The following ANKS1B variants were observed in gnomAD, a reference collection of about 807,000 sequenced individuals.
ANKS1B encodes ankyrin repeat and sterile alpha motif domain containing 1B, also known as ankyrin repeat and sterile alpha motif domain-containing protein 1B.
Under a neutral mutation model 148.3 loss-of-function variants are expected in ANKS1B, and 36 were observed. That is an observed-to-expected ratio of 0.24 (90% CI 0.19 to 0.32). The LOEUF (loss-of-function observed/expected upper bound fraction) is 0.32. Among genes scored for constraint, ANKS1B ranks in the 10% least tolerant of loss-of-function variants. The pLI is 1.00. For synonymous variants in ANKS1B, 542 were observed against 560.8 expected (o/e 0.97, Z 0.47); for missense variants, 1,157 against 1,542.6 (o/e 0.75, Z 4.19).
chr12:98,843,596 G>A (rs540538055), intron 17 of ANKS1B, among the ~76,000 whole-genome samples: 3 of 152,334 alleles, frequency 2.0e-5, no homozygotes, highest in East Asian at 3.9e-4. Context: ...AGCGACTGGA[G>A]TCAGAATGAC....
At chr12:99,552,854 G>A (rs2097235317) in intron 9 of ANKS1B, among the ~76,000 whole-genome samples, 1 of 152,108 alleles carries the variant, frequency 6.6e-6, no homozygotes, top group African/African-American at 2.4e-5. Context: ...CTAATACAAT[G>A]TAAATGCCAT....
At chr12:99,106,105 A>C (rs1028787834) in intron 15 of ANKS1B, among the ~76,000 whole-genome samples, 1 of 152,236 alleles carries the variant, frequency 6.6e-6, no homozygotes, top group African/African-American at 2.4e-5. Flanking sequence ...GCAAGGGCTC[A>C]GATCTCTACT....
chr12:99,934,544 T>A (rs916807207), intron 1 of ANKS1B, among the ~76,000 whole-genome samples: 8 of 152,132 alleles, frequency 5.3e-5, no homozygotes, highest in African/African-American at 1.7e-4. Flanking sequence ...CTATTCCAAT[T>A]TTTTTGGTAT....
At chr12:99,652,782 TAA>T (rs1000307571) in intron 9 of ANKS1B, among the ~76,000 whole-genome samples, 8 of 151,956 alleles carry the variant, frequency 5.3e-5, no homozygotes, top group Non-Finnish European at 1.5e-5. Flanking sequence ...CCTTCAGAAG[TAA>T]AACCAAAACA....
chr12:99,927,773 C>A (rs933277557), intron 1 of ANKS1B, among the ~76,000 whole-genome samples: 8 of 151,826 alleles, frequency 5.3e-5, no homozygotes, highest in Non-Finnish European at 8.8e-5. Flanking sequence ...CACAGTGATA[C>A]CCCATCTCTT....
intron 12 of ANKS1B, among the ~76,000 whole-genome samples, chr12:99,258,213 T>C (rs2153979526): frequency 6.6e-6 from 1 of 152,304 alleles, no homozygotes. Context: ...CTCTGCATGT[T>C]TTTGTCTTGT....
intron 17 of ANKS1B, among the ~76,000 whole-genome samples, chr12:98,985,684 C>G (rs932604865): frequency 6.6e-6 from 1 of 151,940 alleles, no homozygotes; most frequent in Non-Finnish European, 1.5e-5. Context: ...ATACTATTGT[C>G]TTTCATTTTA....
intron 9 of ANKS1B, among the ~76,000 whole-genome samples, chr12:99,634,073 C>G (rs1319589352): frequency 6.6e-6 from 1 of 152,072 alleles, no homozygotes; most frequent in Non-Finnish European, 1.5e-5. Flanking sequence ...TTTGGAGGGC[C>G]AGAAGCAATA....
chr12:99,666,197 C>T lies in ANKS1B; in HGVS notation c.1129-10987G>A, dbSNP rs142507181. ...TAAATCTCTTCTTATGTGAATACCA[C>T]ATTGATAGACGTTTATAAGCCTGGA... On this transcript the variant is annotated intron_variant, in intron 8 of 26. Transcript: ENST00000683438. Among the ~76,000 whole-genome samples, 641 of 152,280 alleles carry T rather than the reference C, an allele frequency of 4.2e-3. 9 individuals carry two copies. The South Asian group carries it at 0.058, about 14-fold the overall frequency.
At chr12:99,127,577 T>C (rs10431448) in intron 15 of ANKS1B, among the ~76,000 whole-genome samples, 103,962 of 152,132 alleles carry the variant, frequency 0.68, 35,841 homozygotes, top group East Asian at 0.83. Flanking sequence ...AGGGTTGCCT[T>C]CAGTAAGGAA....
chr12:99,427,904 A>G (rs1386032173), intron 11 of ANKS1B, among the ~76,000 whole-genome samples: 2 of 152,184 alleles, frequency 1.3e-5, no homozygotes, highest in Non-Finnish European at 2.9e-5. Context: ...TGCAAGAACA[A>G]GTCTCCTTTG....
At position 99,399,753 on chromosome 12, in the gene ANKS1B, T is replaced by G; in HGVS notation, c.1634A>C (p.Gln545Pro). Residue 545 changes from glutamine (Q) to proline (P), a missense_variant, in exon 12 of 27, where the codon CAA (glutamine) becomes CCA (proline). Physicochemically the swap from Gln to Pro is moderately conservative, Grantham distance 76. Around this residue, in one of 6 missense-constraint regions of ANKS1B, gnomAD observed 661 missense variants for 642.1 expected, o/e 1.03. Coordinates refer to ENST00000683438, the MANE Select transcript of ANKS1B (RefSeq NM_001352186.2). ...AGATGTGTTGATTTCAAAATATTCT[T>G]GGTTGTGATTCATTCGGTGAAAATC... ...SLDFHRMNHNQEYFEINTSTG... is the reference protein window; with the variant it reads ...SLDFHRMNHNPEYFEINTSTG... 1.2e-6 allele frequency: 2 copies of G among 1,613,472 alleles called. No homozygotes were observed. Among genetic ancestry groups the G allele is most frequent in the Non-Finnish European group, 1.7e-6 (2 of 1,179,508 alleles).
chr12:99,717,386 A>G (rs1055624679), intron 8 of ANKS1B, among the ~76,000 whole-genome samples: 5 of 152,230 alleles, frequency 3.3e-5, no homozygotes, highest in Non-Finnish European at 7.3e-5. Context: ...CATCTCCAGC[A>G]TACAAGAACT....
intron 17 of ANKS1B, among the ~76,000 whole-genome samples, chr12:98,873,595 G>A (rs555292963): frequency 1.5e-4 from 23 of 152,288 alleles, no homozygotes; most frequent in African/African-American, 5.5e-4. Context: ...AACCTGAAAA[G>A]GTTATACCCT....
intron 23 of ANKS1B, among the ~76,000 whole-genome samples, chr12:98,781,843 G>A (rs1286619434): frequency 1.3e-5 from 2 of 152,156 alleles, no homozygotes; most frequent in African/African-American, 4.8e-5. Flanking sequence ...TCTGGGTTTT[G>A]AGCCACAGCA....
intron 14 of ANKS1B, among the ~76,000 whole-genome samples, chr12:99,197,511 T>TG (rs1279504168): frequency 1.3e-5 from 2 of 152,136 alleles, no homozygotes; most frequent in African/African-American, 2.4e-5. Context: ...AAAGATACAC[T>TG]GCAGATGTGA....
At chr12:98,791,925 T>G (rs2098868775) in intron 22 of ANKS1B, among the ~76,000 whole-genome samples, 1 of 152,220 alleles carries the variant, frequency 6.6e-6, no homozygotes, top group Non-Finnish European at 1.5e-5. Flanking sequence ...CCATCTAATT[T>G]TAAGATCTAA....
intron 25 of ANKS1B, among the ~76,000 whole-genome samples, chr12:98,765,331 C>T (rs1469484150): frequency 6.6e-6 from 1 of 152,164 alleles, no homozygotes; most frequent in African/African-American, 2.4e-5. Context: ...GTGGCACCAT[C>T]TTGGCTCACT....
intron 12 of ANKS1B, among the ~76,000 whole-genome samples, chr12:99,278,115 G>T (rs1318397339): frequency 6.6e-6 from 1 of 152,200 alleles, no homozygotes; most frequent in Non-Finnish European, 1.5e-5. Context: ...TGTGTTGCTG[G>T]GAAGCAGCTG....
Sources: gnomAD v4.1 joint callset for allele counts (sites outside exome capture counted in the v4.1 genomes callset) on GRCh38, gnomAD v4.1.1 for gene constraint, gnomAD v4.1.1 regional missense constraint, MANE v1.5 for transcripts, NCBI Gene and HGNC (gene_info 2026-07-23, HGNC 2026-07-21) for gene names.